Variants in PRR5L observed in about 807,000 individuals in gnomAD.
PRR5L encodes proline rich 5 like.
Under a neutral mutation model 36.4 loss-of-function variants are expected in PRR5L, and 21 were observed. The observed-to-expected ratio is 0.58, with a 90% confidence interval of 0.41 to 0.83. The LOEUF (loss-of-function observed/expected upper bound fraction) is 0.83, where lower values mean the gene tolerates loss of function less well. Among genes scored for constraint, PRR5L ranks in the 40% least tolerant of loss-of-function variants. The probability of loss-of-function intolerance (pLI) is 0.00; values close to 1 mark genes in which losing one functional copy is unlikely to be tolerated. For missense variants in PRR5L, 381 were observed against 473.3 expected (o/e 0.80, Z 1.81); for synonymous variants, 188 against 197.0 (o/e 0.95, Z 0.38).
Position 36,461,327 on chromosome 11 carries a change from A to G in PRR5L, c.713-1015A>G, listed in dbSNP as rs559256502. 4.2e-4 allele frequency among the ~76,000 whole-genome samples: 64 copies of G among 152,348 alleles called. 1 individual carries two copies. The South Asian group carries it at 7.5e-3, about 18-fold the overall frequency. Reference sequence around the variant, plus strand: ...GTTTTTGGAACATGATGAGAATTCAAAAGCAGCAGTTTAGGCCGGACGTGG... The same window carrying G: ...GTTTTTGGAACATGATGAGAATTCAGAAGCAGCAGTTTAGGCCGGACGTGG... On this transcript the variant is annotated intron_variant, in intron 8 of 8. Coordinates refer to ENST00000530639, the MANE Select transcript of PRR5L (RefSeq NM_001160167.2).
intron 8 of PRR5L, among the ~76,000 whole-genome samples, chr11:36,459,234 T>G (rs1473277049): frequency 1.3e-5 from 2 of 152,200 alleles, no homozygotes; most frequent in East Asian, 1.9e-4. Context: ...GAGGCAGCAC[T>G]GCCTCAAGAG....
chr11:36,309,172 G>A (rs1856468459), intron 1 of PRR5L, among the ~76,000 whole-genome samples: 1 of 152,152 alleles, frequency 6.6e-6, no homozygotes. Context: ...GGAAAGACTT[G>A]GAGTTGTTTT....
chr11:36,351,630 T>TAC (rs1856967158), intron 1 of PRR5L, among the ~76,000 whole-genome samples: 1 of 10,810 alleles, frequency 9.3e-5, no homozygotes, highest in Non-Finnish European at 1.5e-4. Flanking sequence ...TATATATTTA[T>TAC]ATAAATATAT....
intron 1 of PRR5L, among the ~76,000 whole-genome samples, chr11:36,333,130 A>T (rs1443269067): frequency 6.6e-6 from 1 of 152,206 alleles, no homozygotes; most frequent in Non-Finnish European, 1.5e-5. Context: ...ATCCAAAATA[A>T]TGTGGCTTAA....
intron 3 of PRR5L, among the ~76,000 whole-genome samples, chr11:36,409,453 T>A (rs1857980396): frequency 6.6e-6 from 1 of 152,170 alleles, no homozygotes; most frequent in Non-Finnish European, 1.5e-5. Context: ...GTTCCAAGAA[T>A]TGTGTTTGAT....
chr11:36,403,216 A>G, intron 2 of PRR5L, 82 bp from the exon 3 acceptor site: 2 of 1,218,544 alleles, frequency 1.6e-6, no homozygotes, highest in Non-Finnish European at 2.4e-6. Flanking sequence ...TGGTCACTCC[A>G]CACACCTTCA....
At chr11:36,336,521 C>T (rs866134393) in intron 1 of PRR5L, among the ~76,000 whole-genome samples, 3 of 142,582 alleles carry the variant, frequency 2.1e-5, no homozygotes, top group South Asian at 2.3e-4. Flanking sequence ...TGAACCACCG[C>T]GCCTGGCCTT....
In PRR5L at chr11:36,296,379, A is replaced by G. The variant is rs1171692409; in HGVS notation, c.-185A>G. 7 of 152,224 alleles carry G rather than the reference A, an allele frequency of 4.6e-5. No individual in the cohort carries two copies. The highest frequency in any genetic ancestry group is 4.1e-4 in the South Asian group (2 of 4,820). The allele number at this position is 152,224 out of a possible 1,614,324, so 9.4% of individuals were successfully genotyped here. A position where few individuals can be genotyped will look rare whatever the true frequency, so the allele number is the denominator to read the frequency against. ...CCCCTTCTCGGGAGGCTGGAAGGCC[A>G]TGGTCATTCACCTCTCCCCAGCAAG... On this transcript the variant is annotated 5_prime_UTR_variant, in exon 1 of 9. The change abolishes an upstream ATG in the 5' untranslated region. Coordinates refer to ENST00000530639, the MANE Select transcript of PRR5L (RefSeq NM_001160167.2).
intron 1 of PRR5L, among the ~76,000 whole-genome samples, chr11:36,363,953 A>G (rs1857119870): frequency 6.6e-6 from 1 of 152,190 alleles, no homozygotes; most frequent in Non-Finnish European, 1.5e-5. Context: ...CTTAGAGACC[A>G]TTTTTAGCCA....
intron 1 of PRR5L, among the ~76,000 whole-genome samples, chr11:36,315,456 G>A (rs940792930): frequency 1.3e-4 from 20 of 152,208 alleles, no homozygotes; most frequent in Admixed American, 9.8e-4. Flanking sequence ...TATTTAAGCT[G>A]ATAGCTTTGG....
chr11:36,389,541 G>C (rs1370249363), intron 1 of PRR5L, among the ~76,000 whole-genome samples: 1 of 151,730 alleles, frequency 6.6e-6, no homozygotes, highest in Non-Finnish European at 1.5e-5. Context: ...CTAATAAGCT[G>C]TAGAGGCTGG....
intron 1 of PRR5L, among the ~76,000 whole-genome samples, chr11:36,320,376 T>C (rs1856603081): frequency 6.6e-6 from 1 of 150,488 alleles, no homozygotes; most frequent in African/African-American, 2.5e-5. Flanking sequence ...CCCGAGTAAC[T>C]GGGATTACAG....
intron 1 of PRR5L, among the ~76,000 whole-genome samples, chr11:36,325,265 G>A (rs781614772): frequency 2.0e-5 from 3 of 152,242 alleles, no homozygotes; most frequent in Non-Finnish European, 2.9e-5. Context: ...CCTTTAGCCC[G>A]ATTTGGAGCA....
intron 1 of PRR5L, among the ~76,000 whole-genome samples, chr11:36,301,456 G>C (rs921058664): frequency 2.0e-5 from 3 of 152,192 alleles, no homozygotes; most frequent in African/African-American, 7.2e-5. Flanking sequence ...GGTTAAGCTG[G>C]AGAGAGTGGC....
intron 1 of PRR5L, among the ~76,000 whole-genome samples, chr11:36,370,555 G>A (rs769878129): frequency 1.3e-5 from 2 of 152,166 alleles, no homozygotes; most frequent in Non-Finnish European, 2.9e-5. Context: ...GACTGACTTA[G>A]GATTGTGGGA....
chr11:36,414,637 GA>G (rs1858102392), intron 3 of PRR5L, among the ~76,000 whole-genome samples: 1 of 141,590 alleles, frequency 7.1e-6, no homozygotes, highest in Admixed American at 7.0e-5. Context: ...AGTAGGTTGT[GA>G]AAATTTTCTC....
chr11:36,436,818 A>G (rs1490095513), intron 5 of PRR5L, among the ~76,000 whole-genome samples: 1 of 152,194 alleles, frequency 6.6e-6, no homozygotes, highest in Admixed American at 6.5e-5. Context: ...GGGGTATTAG[A>G]GTCTAGTCAT....
chr11:36,445,447 T>C (rs1354731325), intron 6 of PRR5L, among the ~76,000 whole-genome samples: 2 of 152,200 alleles, frequency 1.3e-5, no homozygotes, highest in African/African-American at 4.8e-5. Flanking sequence ...GTGAAATGGG[T>C]TTGGCTCTAC....
chr11:36,376,715 G>T (rs1857268994), intron 1 of PRR5L: 1 of 987,004 alleles, frequency 1.0e-6, no homozygotes, highest in Non-Finnish European at 1.2e-6. Flanking sequence ...GTGAGTGGTG[G>T]GTGGGGGGCG....
Sources: gnomAD v4.1 joint callset for allele counts (sites outside exome capture counted in the v4.1 genomes callset) on GRCh38, gnomAD v4.1.1 for gene constraint, MANE v1.5 for transcripts, NCBI Gene and HGNC (gene_info 2026-07-23, HGNC 2026-07-21) for gene names.